The following MCRIP1 variants were observed in gnomAD, a reference collection of about 807,000 sequenced individuals.
MCRIP1 encodes mapk-regulated corepressor-interacting protein 1.
Under a neutral mutation model 14.4 loss-of-function variants are expected in MCRIP1, and 10 were observed. The observed-to-expected ratio is 0.70, with a 90% CI of 0.43 to 1.18. The LOEUF (loss-of-function observed/expected upper bound fraction) is 1.18. Ranked by LOEUF, MCRIP1 falls within the 50% of genes most tolerant of loss-of-function variation. The pLI, the probability that MCRIP1 is intolerant of heterozygous loss-of-function variation, is 0.00. For synonymous variants in MCRIP1, 53 were observed against 55.7 expected, an observed-to-expected ratio of 0.95 and a Z score of 0.21; for missense variants, 119 against 135.4, an observed-to-expected ratio of 0.88 and a Z score of 0.60.
chr17:81,830,562 G>A (rs1004890968), intron 1 of MCRIP1, among the ~76,000 whole-genome samples: 18 of 151,834 alleles, frequency 1.2e-4, no homozygotes, highest in East Asian at 5.9e-4. Context: ...GCTTGAACCC[G>A]GGAGGCAGAG....
Position 81,826,358 on chromosome 17 carries a change from G to A in MCRIP1, c.-48-1804C>T, listed in dbSNP as rs758780778. ...GTACACACCTGCCCACACACATGCGGCACACACCCATATGAACACACCTGG... is the reference window on the plus strand; with the variant it reads ...GTACACACCTGCCCACACACATGCGACACACACCCATATGAACACACCTGG... On this transcript the variant is annotated intron_variant, in intron 1 of 4. Transcript: ENST00000455127. 4 of 1,535,606 alleles carry A rather than the reference G, an allele frequency of 2.6e-6. No individual in the cohort carries two copies. In the South Asian group the frequency reaches 3.6e-5, roughly 14 times the overall value.
At chr17:81,826,442 G>GAA (rs1360088501) in intron 1 of MCRIP1, 2 of 1,467,502 alleles carry the variant, frequency 1.4e-6, no homozygotes, top group Non-Finnish European at 1.8e-6. Flanking sequence ...AGGACTGCTT[G>GAA]AGCCCAGGAG....
At chr17:81,826,558 G>A (rs1239253319) in intron 1 of MCRIP1, 7 of 595,192 alleles carry the variant, frequency 1.2e-5, no homozygotes, top group Non-Finnish European at 2.0e-5. Context: ...GGTGGCTCAC[G>A]CTTGTAATCC....
rs1204743808 is a variant in MCRIP1, at chr17:81,823,452, C to T, written c.189G>A (p.Val63=). Residue 63 remains valine (V), a synonymous_variant, in exon 4 of 5, where the codon GTG becomes GTA. Coordinates refer to ENST00000455127, the MANE Select transcript of MCRIP1 (RefSeq NM_207368.5). The surrounding 1 kb of genome is among the most constrained non-coding windows in gnomAD (Gnocchi z 6.0). ...GQVPGGERGL[V]EEYVEKVPNP... ...TAGGGACCTTCTCCACATACTCCTCCACCAGGCCCCGCTCGCCACCCGGCA... is the reference window on the plus strand; with the variant it reads ...TAGGGACCTTCTCCACATACTCCTCTACCAGGCCCCGCTCGCCACCCGGCA... 2.6e-6 allele frequency: 4 copies of T among 1,536,744 alleles called. No homozygotes were observed. The Admixed American group carries it at 5.9e-5, about 23-fold the overall frequency.
chr17:81,826,324 C>T, intron 1 of MCRIP1: 2 of 1,535,626 alleles, frequency 1.3e-6, no homozygotes, highest in Non-Finnish European at 1.7e-6. Context: ...CGCCCGCACA[C>T]ACCTGTCTGT....
chr17:81,824,347 G>A lies in MCRIP1; in HGVS notation c.67C>T (p.Pro23Ser). ...GKRTSSPRSP[P>S]SSSEIFTPAH... ...GGGGTGAAGATCTCGCTGCTGCTGG[G>A]TGGGGAGCGGGGGCTGCTGGTCCTC... The change falls in exon 3 of 5, where the codon CCC becomes TCC. Residue 23 changes from proline (P) to serine (S), a missense_variant. Physicochemically the swap from Pro to Ser is moderately conservative, Grantham distance 74. Transcript: ENST00000455127. 6.5e-7 allele frequency: 1 copy of A among 1,532,000 alleles called. No individual in the cohort carries two copies. The highest frequency in any genetic ancestry group is 1.7e-4 in the Middle Eastern group (1 of 5,956). The allele number at this position is 1,532,000 out of a possible 1,614,324, so 94.9% of individuals were successfully genotyped here.
intron 1 of MCRIP1, among the ~76,000 whole-genome samples, chr17:81,828,647 C>T (rs913409532): frequency 2.6e-5 from 4 of 152,096 alleles, no homozygotes; most frequent in African/African-American, 9.7e-5. Flanking sequence ...GCACCACAGC[C>T]CCCACGCAGA....
intron 1 of MCRIP1, chr17:81,826,133 C>T: frequency 6.7e-7 from 1 of 1,485,778 alleles, no homozygotes; most frequent in Non-Finnish European, 8.9e-7. Flanking sequence ...GATCCCCCTG[C>T]TGGGTTCGGT....
At position 81,823,185 on chromosome 17, in the gene MCRIP1, C is replaced by T. The variant is rs890506718; in HGVS notation, c.*62G>A. 6.7e-7 allele frequency: 1 copy of T among 1,482,964 alleles called. No individual in the cohort carries two copies. The highest frequency in any genetic ancestry group is 1.4e-5 in the African/African-American group (1 of 71,874). 91.9% of individuals were successfully genotyped at this position (1,482,964 alleles called of 1,614,324 possible). On this transcript the variant is annotated 3_prime_UTR_variant, in exon 5 of 5. Transcript: ENST00000455127. This position sits in a 1 kb window ranked among gnomAD's most constrained non-coding sequence, Gnocchi z 6.0. ...CCATCCCAGGGGCAGGACCACAGGA[C>T]AGGAGGGAACCGACACCTCGCACCC...
At chr17:81,831,109 T>C (rs186677695) in intron 1 of MCRIP1, among the ~76,000 whole-genome samples, 97 of 148,406 alleles carry the variant, frequency 6.5e-4, no homozygotes, top group African/African-American at 1.9e-3. Context: ...GAAGCAAAGG[T>C]TACAGTGAGC....
Position 81,824,310 on chromosome 17 carries a change from T to C in MCRIP1, c.104A>G (p.Glu35Gly). The C allele has an allele frequency of 6.5e-7, 1 of 1,536,220 alleles. No individual in the cohort carries two copies. Among genetic ancestry groups the C allele is most frequent in the East Asian group, 2.4e-5 (1 of 40,904 alleles). The change falls in exon 3 of 5, where the codon GAG becomes GGG. Residue 35 changes from glutamate (E) to glycine (G), a missense_variant. Physicochemically the swap from Glu to Gly is moderately conservative, Grantham distance 98. Coordinates refer to ENST00000455127, the MANE Select transcript of MCRIP1 (RefSeq NM_207368.5). ...ACCTTCGTAAATGAAGCGGACGTTC[T>C]CCTCGTGGGCTGGGGTGAAGATCTC... The part of the protein sequence containing the change: ...SSEIFTPAHE[E>G]NVRFIYEAWQ...
intron 1 of MCRIP1, chr17:81,826,361 C>T: frequency 2.0e-6 from 3 of 1,535,660 alleles, no homozygotes; most frequent in Non-Finnish European, 2.6e-6. Flanking sequence ...ACATGCGGCA[C>T]ACACCCATAT....
At position 81,824,494 on chromosome 17, in the gene MCRIP1, C is replaced by T; in HGVS notation, c.8+5G>A. The T allele has an allele frequency of 6.5e-7, 1 of 1,536,246 alleles. No homozygotes were observed. Among genetic ancestry groups the T allele is most frequent in the Non-Finnish European group, 8.7e-7 (1 of 1,146,798 alleles). On this transcript the variant is annotated splice_donor_5th_base_variant and intron_variant, in intron 2 of 4. Coordinates refer to ENST00000455127, the MANE Select transcript of MCRIP1 (RefSeq NM_207368.5). ...TGGAGACCAGCCCACCTGCCTGAGA[C>T]CCACCTGGTCATCGCGGGGGCGTCT...
chr17:81,832,736 C>A (rs1045085139), intron 1 of MCRIP1, among the ~76,000 whole-genome samples: 1 of 152,272 alleles, frequency 6.6e-6, no homozygotes, highest in Non-Finnish European at 1.5e-5. Flanking sequence ...CCCCGTTCTC[C>A]CCGTTAGGCC....
chr17:81,826,683 G>A (rs1165608860), intron 1 of MCRIP1: 6 of 383,244 alleles, frequency 1.6e-5, no homozygotes, highest in East Asian at 5.2e-5. Context: ...GTTGGGCGTG[G>A]TGGCAGGCAC....
rs1360716218 is a variant in MCRIP1 at position 81,824,368 on chromosome 17, T to A, written c.46A>T (p.Thr16Ser). 6.5e-7 allele frequency: 1 copy of A among 1,535,522 alleles called. No homozygotes were observed. Among genetic ancestry groups the A allele is most frequent in the Admixed American group, 2.0e-5 (1 of 50,702 alleles). ...CTGGGTGGGGAGCGGGGGCTGCTGGTCCTCTTGCCGTTGTACACGACTCTG... is the reference window on the plus strand; with the variant it reads ...CTGGGTGGGGAGCGGGGGCTGCTGGACCTCTTGCCGTTGTACACGACTCTG... Reference protein sequence around the residue: ...VSRVVYNGKRTSSPRSPPSSS... With the variant: ...VSRVVYNGKRSSSPRSPPSSS... The change falls in exon 3 of 5, where the codon ACC becomes TCC. Residue 16 changes from threonine to serine, a missense_variant. Coordinates refer to ENST00000455127, the MANE Select transcript of MCRIP1 (RefSeq NM_207368.5).
In MCRIP1 at chr17:81,823,430, G is replaced by T; in HGVS notation, c.211C>A (p.Pro71Thr). ...CACTCACTCTTCAGGCTGGGGTTAG[G>T]GACCTTCTCCACATACTCCTCCACC... ...GLVEEYVEKV[P>T]NPSLKTFKPI... Residue 71 changes from proline (P) to threonine (T), a missense_variant, in exon 4 of 5, where the codon CCT becomes ACT. Physicochemically the swap from Pro to Thr is conservative, Grantham distance 38. Coordinates refer to ENST00000455127, the MANE Select transcript of MCRIP1 (RefSeq NM_207368.5). This position sits in a 1 kb window ranked among gnomAD's most constrained non-coding sequence, Gnocchi z 6.0. 1 of 1,536,766 alleles carries T rather than the reference G, an allele frequency of 6.5e-7. No homozygotes were observed. The highest frequency in any genetic ancestry group is 8.7e-7 in the Non-Finnish European group (1 of 1,146,750).
In MCRIP1 at chr17:81,823,310, G is replaced by C. The variant is rs1310044186; in HGVS notation, c.231C>G (p.Thr77=). 2 of 1,536,874 alleles carry C rather than the reference G, an allele frequency of 1.3e-6. No homozygotes were observed. The highest frequency in any genetic ancestry group is 1.7e-6 in the Non-Finnish European group (2 of 1,146,810). Residue 77 remains threonine, a splice_region_variant and synonymous_variant, in exon 5 of 5, where the codon ACC becomes ACG. Transcript: ENST00000455127. The surrounding 1 kb of genome is among the most constrained non-coding windows in gnomAD (Gnocchi z 6.0). ...VEKVPNPSLK[T]FKPIDLSDLK... is the part of the protein sequence containing the mutation. The stretch of plus-strand genomic sequence containing the variant: ...GGTCACTCAGGTCGATGGGCTTGAA[G>C]GCTGCCAGGGGACAACGCGGTAGGT...
intron 1 of MCRIP1, chr17:81,824,766 A>G (rs1052354492): frequency 7.0e-7 from 1 of 1,420,874 alleles, no homozygotes; most frequent in African/African-American, 1.4e-5. Flanking sequence ...AGAGCTGGCC[A>G]GACGAGCCAG....
Sources: gnomAD v4.1 joint callset for allele counts (sites outside exome capture counted in the v4.1 genomes callset) on GRCh38, gnomAD v4.1.1 for gene constraint, Gnocchi (gnomAD v3.1) non-coding constraint, MANE v1.5 for transcripts, NCBI Gene and HGNC (gene_info 2026-07-23, HGNC 2026-07-21) for gene names.